DCLK1: variants seen among roughly 807,000 people sequenced by gnomAD.
The protein encoded by DCLK1 is doublecortin like kinase 1.
DCLK1 carries 16 observed loss-of-function variants against 86.2 expected under a neutral mutation model. That is an observed-to-expected ratio of 0.19 (90% CI 0.13 to 0.28). The LOEUF (loss-of-function observed/expected upper bound fraction) is 0.28, where lower values mean the gene tolerates loss of function less well. Ranked by LOEUF, DCLK1 falls within the 10% of genes least tolerant of loss-of-function variation. The probability of loss-of-function intolerance (pLI) is 1.00; values close to 1 mark genes in which losing one functional copy is unlikely to be tolerated. For missense variants in DCLK1, 590 were observed against 940.2 expected (o/e 0.63, Z 4.87); for synonymous variants, 369 against 370.5 (o/e 1.00, Z 0.05).
intron 4 of DCLK1, among the ~76,000 whole-genome samples, chr13:35,877,577 T>G (rs963892731): frequency 6.6e-6 from 1 of 152,204 alleles, no homozygotes; most frequent in African/African-American, 2.4e-5. Flanking sequence ...ATGGTTTTAC[T>G]TTTCTAGTCT....
At chr13:35,808,953 TA>T in intron 13 of DCLK1, 64 bp downstream of exon 13, 1 of 1,431,508 alleles carries the variant, frequency 7.0e-7, no homozygotes, top group Non-Finnish European at 9.7e-7. Context: ...CAAGAAGGGC[TA>T]ATGGATCACT....
intron 3 of DCLK1, among the ~76,000 whole-genome samples, chr13:35,998,350 C>T (rs1468371537): frequency 6.6e-6 from 1 of 152,064 alleles, no homozygotes. Flanking sequence ...AAATAGAGCC[C>T]TTTCATAATC....
At chr13:35,965,425 A>G (rs999409343) in intron 3 of DCLK1, among the ~76,000 whole-genome samples, 1 of 152,244 alleles carries the variant, frequency 6.6e-6, no homozygotes, top group African/African-American at 2.4e-5. Flanking sequence ...TACTGCGTGC[A>G]TGTGCCCTAA....
intron 15 of DCLK1, among the ~76,000 whole-genome samples, chr13:35,797,193 G>C (rs940682403): frequency 6.6e-6 from 1 of 152,158 alleles, no homozygotes; most frequent in Non-Finnish European, 1.5e-5. Context: ...GTGTAAATAT[G>C]GGGAAAGATA....
At chr13:36,109,430 C>T (rs1885531757) in intron 3 of DCLK1, among the ~76,000 whole-genome samples, 1 of 152,196 alleles carries the variant, frequency 6.6e-6, no homozygotes, top group Admixed American at 6.5e-5. Context: ...AGCTCTGGAG[C>T]AAGACCAGTT....
chr13:35,929,288 CAA>C (rs1686266848), intron 4 of DCLK1, among the ~76,000 whole-genome samples: 1 of 151,982 alleles, frequency 6.6e-6, no homozygotes, highest in Admixed American at 6.6e-5. Flanking sequence ...GTGAAACAAA[CAA>C]ATAAAAAAAG....
intron 11 of DCLK1, among the ~76,000 whole-genome samples, chr13:35,815,580 A>G (rs926937297): frequency 2.0e-5 from 3 of 152,238 alleles, no homozygotes; most frequent in African/African-American, 7.2e-5. Flanking sequence ...AAATTGACAA[A>G]GCCATGAAAA....
At chr13:36,130,864 C>G (rs751010416) in intron 1 of DCLK1, among the ~76,000 whole-genome samples, 1 of 152,218 alleles carries the variant, frequency 6.6e-6, no homozygotes, top group Non-Finnish European at 1.5e-5. Flanking sequence ...AGGTTTAAAG[C>G]CCCATGGCAC....
At chr13:35,904,680 G>T (rs996915908) in intron 4 of DCLK1, among the ~76,000 whole-genome samples, 6 of 152,168 alleles carry the variant, frequency 3.9e-5, no homozygotes, top group African/African-American at 1.4e-4. Context: ...GAGAGTCCTT[G>T]GGAGAGCCAG....
In DCLK1 at chr13:35,806,218, C is replaced by T. The variant is rs990743322; in HGVS notation, c.1864-439G>A. Among the ~76,000 whole-genome samples, 7 of 151,982 alleles carry T rather than the reference C, an allele frequency of 4.6e-5. No individual in the cohort carries two copies. In the South Asian group the frequency reaches 6.2e-4, roughly 14 times the overall value. On this transcript the variant is annotated intron_variant, in intron 14 of 16. Transcript: ENST00000360631. Reference sequence around the variant, plus strand: ...TGAAAATTTCCCCCTAATTTCAAGACGGCATACTTAGGTTTGAAAGAAAGG... The same window carrying T: ...TGAAAATTTCCCCCTAATTTCAAGATGGCATACTTAGGTTTGAAAGAAAGG...
intron 4 of DCLK1, among the ~76,000 whole-genome samples, chr13:35,926,420 A>G (rs2153127991): frequency 6.6e-6 from 1 of 152,296 alleles, no homozygotes; most frequent in African/African-American, 2.4e-5. Context: ...AGTGCGCCAC[A>G]TGCTGGAATT....
intron 5 of DCLK1, among the ~76,000 whole-genome samples, chr13:35,870,322 T>A (rs1194586568): frequency 1.3e-5 from 2 of 152,062 alleles, no homozygotes; most frequent in Admixed American, 6.5e-5. Context: ...GGCTGGGTGG[T>A]CTAGCTGGCC....
At chr13:36,063,081 G>C (rs1040506242) in intron 3 of DCLK1, among the ~76,000 whole-genome samples, 1 of 152,094 alleles carries the variant, frequency 6.6e-6, no homozygotes, top group African/African-American at 2.4e-5. Context: ...AACTTGCCTG[G>C]AGCCAATACA....
chr13:35,976,825 C>T (rs75698423), intron 3 of DCLK1, among the ~76,000 whole-genome samples: 3 of 152,106 alleles, frequency 2.0e-5, no homozygotes, highest in Non-Finnish European at 4.4e-5. Context: ...TGAGCCACCG[C>T]GCCCGGCCTT....
intron 4 of DCLK1, among the ~76,000 whole-genome samples, chr13:35,912,279 G>A (rs1025285558): frequency 6.6e-6 from 1 of 152,106 alleles, no homozygotes; most frequent in African/African-American, 2.4e-5. Flanking sequence ...TCCCATGTTT[G>A]AGCCAAAAAG....
intron 3 of DCLK1, among the ~76,000 whole-genome samples, chr13:36,094,886 G>A (rs2138146035): frequency 6.6e-6 from 1 of 152,274 alleles, no homozygotes; most frequent in Non-Finnish European, 1.5e-5. Flanking sequence ...GAAAAGTTAA[G>A]ATGGAAAAGA....
At chr13:35,930,647 A>C (rs761543624) in intron 4 of DCLK1, among the ~76,000 whole-genome samples, 1 of 152,138 alleles carries the variant, frequency 6.6e-6, no homozygotes, top group Non-Finnish European at 1.5e-5. Flanking sequence ...AAACAAAGCA[A>C]AAACAAAAGA....
At chr13:36,000,815 C>T (rs1366420933) in intron 3 of DCLK1, among the ~76,000 whole-genome samples, 1 of 152,106 alleles carries the variant, frequency 6.6e-6, no homozygotes, top group Non-Finnish European at 1.5e-5. Flanking sequence ...TGCCAGTACT[C>T]AGCACATAGG....
chr13:35,786,554 C>T (rs2086625946), intron 16 of DCLK1, among the ~76,000 whole-genome samples: 1 of 152,132 alleles, frequency 6.6e-6, no homozygotes, highest in Non-Finnish European at 1.5e-5. Flanking sequence ...TAGGAATGTT[C>T]TGTGCCTGAT....
Sources: allele counts gnomAD v4.1 joint callset (sites outside exome capture counted in the v4.1 genomes callset), GRCh38; gene constraint gnomAD v4.1.1; transcripts MANE v1.5; gene names NCBI Gene and HGNC (gene_info 2026-07-23, HGNC 2026-07-21).